TYW1: variants seen among roughly 807,000 people sequenced by gnomAD.
TYW1 encodes the protein S-adenosyl-L-methionine-dependent tRNA 4-demethylwyosine synthase TYW1.
Under a neutral mutation model 96.2 loss-of-function variants are expected in TYW1, and 46 were observed. That is an observed-to-expected ratio of 0.48 (90% CI 0.38 to 0.61). TYW1 has a LOEUF of 0.61. TYW1 is among the 20% of genes least tolerant of loss of function. The pLI is 0.00. For missense variants in TYW1, 684 were observed against 909.6 expected (o/e 0.75, Z 3.19); for synonymous variants, 274 against 323.0 (o/e 0.85, Z 1.63).
rs1460006818 is a variant in TYW1 at position 67,238,694 on chromosome 7, A to G, written c.*165A>G. The stretch of plus-strand genomic sequence containing the variant: ...GACACGGGGGACAGCGTCCACACTC[A>G]GAGGGCCTGGGCCACAGCCCCGATG... On this transcript the variant is annotated 3_prime_UTR_variant, in exon 16 of 16. Coordinates refer to ENST00000359626, the MANE Select transcript of TYW1 (RefSeq NM_018264.4). 1 of 1,436,868 alleles carries G rather than the reference A, an allele frequency of 7.0e-7. No homozygotes were observed. Among genetic ancestry groups the G allele is most frequent in the Non-Finnish European group, 9.1e-7 (1 of 1,092,914 alleles). 89.0% of individuals were successfully genotyped at this position (1,436,868 alleles called of 1,614,324 possible).
chr7:67,078,756 A>G (rs1796286941), intron 10 of TYW1, among the ~76,000 whole-genome samples: 2 of 151,736 alleles, frequency 1.3e-5, no homozygotes, highest in Non-Finnish European at 2.9e-5. Context: ...GCAATGGCAC[A>G]ATCTCGGTTC....
At chr7:67,020,387 C>T (rs976260455) in intron 6 of TYW1, among the ~76,000 whole-genome samples, 3 of 23,146 alleles carry the variant, frequency 1.3e-4, no homozygotes, top group East Asian at 5.6e-4. Flanking sequence ...TACAGACGCC[C>T]GCCACCACGC....
Position 67,098,697 on chromosome 7 carries a change from C to T in TYW1, c.1541C>T (p.Ala514Val), listed in dbSNP as rs1463350295. ...ATTTCCAGCTTCCTGGTCACAAACG[C>T]ACAATTTCCTGCGGAAATCAGGTGA... ...CKISSFLVTN[A>V]QFPAEIRNLE... The change falls in exon 12 of 16, where the codon GCA becomes GTA. Residue 514 changes from alanine to valine, a missense_variant. Physicochemically the swap from Ala to Val is moderately conservative, Grantham distance 64. Transcript: ENST00000359626. 1.2e-6 allele frequency: 2 copies of T among 1,613,938 alleles called. No individual in the cohort carries two copies. Among genetic ancestry groups the T allele is most frequent in the South Asian group, 1.1e-5 (1 of 91,042 alleles).
intron 14 of TYW1, among the ~76,000 whole-genome samples, chr7:67,186,607 C>T (rs113355922): frequency 0.053 from 8,075 of 151,598 alleles, 301 homozygotes; most frequent in East Asian, 0.15. Context: ...CCCACCTCAG[C>T]CTCCCAAGTA....
intron 13 of TYW1, among the ~76,000 whole-genome samples, chr7:67,165,265 T>C (rs1214023971): frequency 1.3e-5 from 2 of 152,230 alleles, no homozygotes; most frequent in Non-Finnish European, 2.9e-5. Context: ...CAGCCTCAAC[T>C]AGAGTATGTG....
chr7:67,045,171 T>C (rs1294782350), intron 7 of TYW1, among the ~76,000 whole-genome samples: 1 of 152,176 alleles, frequency 6.6e-6, no homozygotes, highest in Non-Finnish European at 1.5e-5. Flanking sequence ...GGGATGATGG[T>C]ATCAAAATGA....
chr7:67,005,375 C>T (rs1793538888), intron 3 of TYW1, among the ~76,000 whole-genome samples: 1 of 152,166 alleles, frequency 6.6e-6, no homozygotes, highest in Non-Finnish European at 1.5e-5. Context: ...GCAGGTGGAT[C>T]ACTTGAGACC....
intron 8 of TYW1, among the ~76,000 whole-genome samples, chr7:67,053,845 T>C (rs1047270125): frequency 2.6e-5 from 4 of 152,344 alleles, no homozygotes; most frequent in Admixed American, 2.0e-4. Context: ...CCCTGTAGAC[T>C]CTTGGAGTCT....
At chr7:67,116,957 T>C (rs1460165500) in intron 12 of TYW1, among the ~76,000 whole-genome samples, 1 of 152,184 alleles carries the variant, frequency 6.6e-6, no homozygotes, top group Non-Finnish European at 1.5e-5. Context: ...AGGCTTGACA[T>C]GAAACCCAGT....
intron 7 of TYW1, among the ~76,000 whole-genome samples, chr7:67,046,499 C>T (rs980201215): frequency 1.3e-5 from 2 of 152,070 alleles, no homozygotes; most frequent in African/African-American, 4.8e-5. Context: ...AGGAAGAAAT[C>T]AAGGTTGGCT....
chr7:67,136,888 T>G (rs1205155942), intron 13 of TYW1, among the ~76,000 whole-genome samples: 1 of 152,116 alleles, frequency 6.6e-6, no homozygotes, highest in Admixed American at 6.5e-5. Context: ...AGTGGCATAA[T>G]CTCGGCTCAC....
chr7:67,024,928 A>T lies in TYW1; in HGVS notation c.890A>T (p.Glu297Val), dbSNP rs777620659. The change falls in exon 7 of 16, where the codon GAA (glutamate) becomes GTA (valine). Residue 297 changes from glutamate (E) to valine (V), a missense_variant. Glu to Val is a moderately radical substitution (Grantham distance 121). Transcript: ENST00000359626. The stretch of plus-strand genomic sequence containing the variant: ...GAAGAACCCTTTGAGAGCTCCAGTG[A>T]AGAAGAGTTTGGTGGTGAGGACCAT... Reference protein sequence around the residue: ...EEEEPFESSSEEEFGGEDHQS... With the variant: ...EEEEPFESSSVEEFGGEDHQS... 2 of 1,613,906 alleles carry T rather than the reference A, an allele frequency of 1.2e-6. No individual in the cohort carries two copies. Among genetic ancestry groups the T allele is most frequent in the East Asian group, 4.5e-5 (2 of 44,874 alleles).
chr7:67,145,939 T>C (rs6958165), intron 13 of TYW1, among the ~76,000 whole-genome samples: 39,522 of 151,940 alleles, frequency 0.26, 5,634 homozygotes, highest in African/African-American at 0.38. Context: ...TTTTATTTAT[T>C]TATTTTTTTT....
chr7:67,224,808 G>T (rs1376222615), intron 15 of TYW1, among the ~76,000 whole-genome samples: 64 of 152,178 alleles, frequency 4.2e-4, no homozygotes, highest in South Asian at 1.0e-3. Context: ...CACTATACAT[G>T]CCATAACTCA....
chr7:67,190,057 C>T (rs1800159950), intron 14 of TYW1, among the ~76,000 whole-genome samples: 1 of 151,742 alleles, frequency 6.6e-6, no homozygotes, highest in Admixed American at 6.6e-5. Flanking sequence ...ATAGGACGTG[C>T]TCAGTAATTA....
intron 13 of TYW1, among the ~76,000 whole-genome samples, chr7:67,158,623 G>A (rs1273342038): frequency 7.2e-5 from 11 of 152,052 alleles, no homozygotes; most frequent in Admixed American, 7.2e-4. Flanking sequence ...AGGCTGGAGT[G>A]CAGTGGCATG....
At chr7:67,011,373 A>C (rs772747495) in intron 4 of TYW1, among the ~76,000 whole-genome samples, 4 of 152,212 alleles carry the variant, frequency 2.6e-5, no homozygotes, top group Non-Finnish European at 5.9e-5. Flanking sequence ...TAATTTCTTC[A>C]TCTGAAAAGT....
At position 67,238,289 on chromosome 7, in the gene TYW1, C is replaced by T. The variant is rs1563085137; in HGVS notation, c.1978-19C>T. The T allele has an allele frequency of 6.3e-7, 1 of 1,589,256 alleles. No homozygotes were observed. Among genetic ancestry groups the T allele is most frequent in the Admixed American group, 1.8e-5 (1 of 55,830 alleles). On this transcript the variant is annotated intron_variant, in intron 15 of 15. Coordinates refer to ENST00000359626, the MANE Select transcript of TYW1 (RefSeq NM_018264.4). ...AGGGATGTTTTTACTTCTGACTTGA[C>T]ACATTTTTTTCTTTCCAGTTTAAAA... is the stretch of plus-strand genomic sequence containing the variant.
At chr7:67,011,335 G>A (rs1430281246) in intron 4 of TYW1, among the ~76,000 whole-genome samples, 1 of 152,258 alleles carries the variant, frequency 6.6e-6, no homozygotes. Flanking sequence ...ACTGCGCCCA[G>A]GCGCATTACT....
Sources: allele counts gnomAD v4.1 joint callset (sites outside exome capture counted in the v4.1 genomes callset), GRCh38; gene constraint gnomAD v4.1.1; transcripts MANE v1.5; gene names NCBI Gene and HGNC (gene_info 2026-07-23, HGNC 2026-07-21).